Variants in NAPG observed in about 807,000 individuals in gnomAD.
The protein encoded by NAPG is gamma-soluble NSF attachment protein.
NAPG carries 25 observed loss-of-function variants against 48.4 expected under a neutral mutation model. That is an observed-to-expected ratio of 0.52 (90% confidence interval 0.38 to 0.72). The LOEUF is 0.72. Among genes scored for constraint, NAPG ranks in the 30% least tolerant of loss-of-function variants. The probability of loss-of-function intolerance (pLI) is 0.00; values close to 1 mark genes in which losing one functional copy is unlikely to be tolerated. For missense variants in NAPG, 359 were observed against 372.5 expected (o/e 0.96, Z 0.30); for synonymous variants, 139 against 127.2 (o/e 1.09, Z -0.62).
chr18:10,549,391 G>C (rs1404520003), intron 11 of NAPG, among the ~76,000 whole-genome samples: 2 of 152,134 alleles, frequency 1.3e-5, no homozygotes, highest in African/African-American at 2.4e-5. Context: ...GTTGTCCTCT[G>C]TAGGTTGCTT....
At chr18:10,545,641 A>G (rs993299064) in intron 8 of NAPG, among the ~76,000 whole-genome samples, 1 of 152,180 alleles carries the variant, frequency 6.6e-6, no homozygotes, top group African/African-American at 2.4e-5. Flanking sequence ...TGATGGAATT[A>G]GGGCTGGGGG....
chr18:10,529,965 A>G (rs1269577389), intron 1 of NAPG, among the ~76,000 whole-genome samples: 2 of 152,212 alleles, frequency 1.3e-5, no homozygotes, highest in African/African-American at 4.8e-5. Flanking sequence ...ATGCACACCC[A>G]AATTTGACAG....
chr18:10,537,439 C>T (rs1252975130), intron 5 of NAPG, among the ~76,000 whole-genome samples: 1 of 152,100 alleles, frequency 6.6e-6, no homozygotes, highest in Non-Finnish European at 1.5e-5. Context: ...TCATAGGGCT[C>T]TTCATCCTCA....
intron 5 of NAPG, among the ~76,000 whole-genome samples, chr18:10,538,043 T>G (rs1171420940): frequency 1.3e-5 from 2 of 152,020 alleles, no homozygotes; most frequent in Non-Finnish European, 2.9e-5. Flanking sequence ...CTAAATAAGT[T>G]GCTTATGTAA....
rs144445471 is a variant in NAPG, at chr18:10,551,539, C to T, written c.*1319C>T. 12 of 152,282 alleles carry T rather than the reference C, an allele frequency of 7.9e-5. 1 individual carries two copies. The highest frequency in any genetic ancestry group is 1.9e-4 in the East Asian group (1 of 5,190). 9.4% of individuals were successfully genotyped at this position (152,282 alleles called of 1,614,324 possible). A position where few individuals can be genotyped will look rare whatever the true frequency, so the allele number is the denominator to read the frequency against. The stretch of plus-strand genomic sequence containing the variant: ...CCTGTTGTGTGGCTTAGACCCATCT[C>T]GTAATCTGTTAATTGGAAAGAGGCT... On this transcript the variant is annotated 3_prime_UTR_variant, in exon 12 of 12. Coordinates refer to ENST00000322897, the MANE Select transcript of NAPG (RefSeq NM_003826.3).
In NAPG at chr18:10,550,130, A is replaced by G; in HGVS notation, c.849A>G (p.Lys283=). 6.3e-7 allele frequency: 1 copy of G among 1,576,386 alleles called. No individual in the cohort carries two copies. The highest frequency in any genetic ancestry group is 8.6e-7 in the Non-Finnish European group (1 of 1,164,534). The part of the protein sequence containing the change: ...LVVPGGGIKK[K]SPATPQAKPD... The stretch of plus-strand genomic sequence containing the variant: ...TTCCAGGAGGGGGAATCAAGAAGAA[A>G]TCACCTGCAACACCACAGGCCAAGC... The change falls in exon 12 of 12, where the codon AAA becomes AAG. Residue 283 remains lysine (K), a synonymous_variant. Transcript: ENST00000322897.
chr18:10,545,453 G>C (rs2032243331), intron 8 of NAPG, among the ~76,000 whole-genome samples: 1 of 152,340 alleles, frequency 6.6e-6, no homozygotes, highest in Non-Finnish European at 1.5e-5. Flanking sequence ...GCTGTTGGTT[G>C]TGTGTATTCC....
chr18:10,538,522 G>A (rs776506196), intron 5 of NAPG, among the ~76,000 whole-genome samples: 1 of 152,208 alleles, frequency 6.6e-6, no homozygotes, highest in African/African-American at 2.4e-5. Context: ...CCTTGGCATA[G>A]GTCTTGTATG....
intron 5 of NAPG, among the ~76,000 whole-genome samples, chr18:10,536,841 TTG>T (rs1273311786): frequency 6.6e-6 from 1 of 152,182 alleles, no homozygotes; most frequent in African/African-American, 2.4e-5. Context: ...GTAGGTATAT[TTG>T]GGGAGGAAAT....
In NAPG at chr18:10,548,509, A is replaced by AT. The variant is rs1639177622; in HGVS notation, c.665+134dup. On this transcript the variant is annotated intron_variant, in intron 10 of 11. Transcript: ENST00000322897. This position sits in a 1 kb window ranked among gnomAD's most constrained non-coding sequence, Gnocchi z 4.4. ...TAAATCTTAGGAGTGCTCATCTACC[A>AT]TTTCATCTTTTACAGTGGGTGTTTT... is the stretch of plus-strand genomic sequence containing the variant. The AT allele has an allele frequency of 1.5e-6, 1 of 674,888 alleles. No individual in the cohort carries two copies. The allele number at this position is 674,888 out of a possible 1,614,324, so 41.8% of individuals were successfully genotyped here. A position where few individuals can be genotyped will look rare whatever the true frequency, so the allele number is the denominator to read the frequency against.
At chr18:10,537,633 T>C (rs1423604312) in intron 5 of NAPG, among the ~76,000 whole-genome samples, 1 of 152,236 alleles carries the variant, frequency 6.6e-6, no homozygotes, top group Non-Finnish European at 1.5e-5. Flanking sequence ...CCCTCAGGAC[T>C]AATGTGTCTG....
chr18:10,533,002 ATACT>A (rs1205127607), intron 3 of NAPG: 1 of 462,602 alleles, frequency 2.2e-6, no homozygotes, highest in Non-Finnish European at 3.8e-6. Context: ...CAGAGCTACA[ATACT>A]TACTTTCTAT....
chr18:10,526,239 C>CCTTGGGCCCCGGGGGGGGGG, intron 1 of NAPG, 81 bp downstream of exon 1: 1 of 349,042 alleles, frequency 2.9e-6, no homozygotes, highest in Non-Finnish European at 5.8e-6. Context: ...CCGGGGGGGG[C>CCTTGGGCCCCGGGGGGGGGG]GGGAGGGAGG....
At chr18:10,526,246 G>GGGGGGGGGTGGT in intron 1 of NAPG, 88 bp downstream of exon 1, 1 of 490,186 alleles carries the variant, frequency 2.0e-6, no homozygotes, top group Non-Finnish European at 4.2e-6. Flanking sequence ...GGGCGGGAGG[G>GGGGGGGGGTGGT]AGGGCTCAGG....
chr18:10,532,230 ATT>A (rs765892204), intron 2 of NAPG, among the ~76,000 whole-genome samples: 6 of 152,188 alleles, frequency 3.9e-5, no homozygotes, highest in Non-Finnish European at 5.9e-5. Flanking sequence ...AAAAAAATGC[ATT>A]GTTAGACATT....
chr18:10,542,751 A>G lies in NAPG; in HGVS notation c.506+2352A>G, dbSNP rs525601. On this transcript the variant is annotated intron_variant, in intron 8 of 11. Coordinates refer to ENST00000322897, the MANE Select transcript of NAPG (RefSeq NM_003826.3). This position sits in a 1 kb window ranked among gnomAD's most constrained non-coding sequence, Gnocchi z 4.5. ...TTAATACTTTCTATGTTAGTGTAGCAAAGAATCTATTTAATATATTAATCT... is the reference window on the plus strand; with the variant it reads ...TTAATACTTTCTATGTTAGTGTAGCGAAGAATCTATTTAATATATTAATCT... Among the ~76,000 whole-genome samples, 21 of 152,214 alleles carry G rather than the reference A, an allele frequency of 1.4e-4. No individual in the cohort carries two copies. Among genetic ancestry groups the G allele is most frequent in the African/African-American group, 5.1e-4 (21 of 41,458 alleles).
chr18:10,526,443 T>A (rs1878737312), intron 1 of NAPG: 2 of 445,076 alleles, frequency 4.5e-6, no homozygotes, highest in African/African-American at 4.2e-5. Context: ...GGCGAGGGCT[T>A]CTCTACTTGG....
intron 1 of NAPG, 114 bp from the exon 2 acceptor site, chr18:10,530,656 G>A (rs2031910395): frequency 1.6e-6 from 1 of 639,482 alleles, no homozygotes; most frequent in Non-Finnish European, 2.4e-6. Context: ...GTTTGTGCCT[G>A]ATGGTTTCTC....
Position 10,550,296 on chromosome 18 carries a change from T to G in NAPG, c.*76T>G. ...CCATTTCAAGGACTTGGGAATAGAT[T>G]AGGGATATCCGTACTTCATTACAGT... is the stretch of plus-strand genomic sequence containing the variant. On this transcript the variant is annotated 3_prime_UTR_variant, in exon 12 of 12. Coordinates refer to ENST00000322897, the MANE Select transcript of NAPG (RefSeq NM_003826.3). The G allele has an allele frequency of 6.9e-7, 1 of 1,449,894 alleles. No individual in the cohort carries two copies. 89.8% of individuals were successfully genotyped at this position (1,449,894 alleles called of 1,614,324 possible).
Sources: allele counts gnomAD v4.1 joint callset (sites outside exome capture counted in the v4.1 genomes callset), GRCh38; gene constraint gnomAD v4.1.1; non-coding constraint Gnocchi (gnomAD v3.1); transcripts MANE v1.5; gene names NCBI Gene and HGNC (gene_info 2026-07-23, HGNC 2026-07-21).